CNBD2: variants seen among roughly 807,000 people sequenced by gnomAD.
The protein encoded by CNBD2 is cyclic nucleotide-binding domain-containing protein 2.
A neutral mutation model predicts 63.7 loss-of-function variants in CNBD2; 64 were observed. The observed-to-expected ratio is 1.00, with a 90% CI of 0.82 to 1.24. The LOEUF (loss-of-function observed/expected upper bound fraction) is 1.24. CNBD2 is among the 50% of genes most tolerant of loss of function. The probability of loss-of-function intolerance (pLI) is 0.00; values close to 1 mark genes in which losing one functional copy is unlikely to be tolerated. For synonymous variants in CNBD2, 229 were observed against 255.4 expected, an observed-to-expected ratio of 0.90 and a Z score of 0.99; for missense variants, 691 against 713.5, an observed-to-expected ratio of 0.97 and a Z score of 0.36.
chr20:35,983,169 G>A (rs571748576), intron 4 of CNBD2, among the ~76,000 whole-genome samples: 1 of 125,690 alleles, frequency 8.0e-6, no homozygotes, highest in Non-Finnish European at 1.7e-5. Flanking sequence ...GCAACATAGT[G>A]AGACCCTGTC....
At chr20:36,026,163 A>G (rs2057280742) in intron 11 of CNBD2, among the ~76,000 whole-genome samples, 1 of 152,044 alleles carries the variant, frequency 6.6e-6, no homozygotes, top group Admixed American at 6.6e-5. Context: ...CCTCCCCAGT[A>G]GCTGGGACAA....
chr20:35,993,720 C>T (rs2056780149), intron 7 of CNBD2, among the ~76,000 whole-genome samples: 1 of 151,920 alleles, frequency 6.6e-6, no homozygotes, highest in Non-Finnish European at 1.5e-5. Context: ...GTTTTTATCT[C>T]TATGTTTTTA....
At chr20:35,971,163 G>A (rs1163996808) in intron 1 of CNBD2, among the ~76,000 whole-genome samples, 1 of 150,932 alleles carries the variant, frequency 6.6e-6, no homozygotes, top group Non-Finnish European at 1.5e-5. Context: ...TAGCCGGGAT[G>A]GTCTCGATCT....
chr20:36,003,806 T>C (rs1394792169), intron 8 of CNBD2, among the ~76,000 whole-genome samples: 3 of 151,664 alleles, frequency 2.0e-5, no homozygotes, highest in Non-Finnish European at 4.4e-5. Flanking sequence ...CTTGGGAGGC[T>C]GAGGCAGGAG....
At chr20:36,010,496 C>T (rs1024268523) in intron 9 of CNBD2, among the ~76,000 whole-genome samples, 3 of 150,336 alleles carry the variant, frequency 2.0e-5, no homozygotes, top group Admixed American at 6.6e-5. Flanking sequence ...CTTGGCTGGG[C>T]GCAGTGGCTT....
At chr20:35,970,283 C>T (rs758172857) in intron 1 of CNBD2, among the ~76,000 whole-genome samples, 2 of 152,182 alleles carry the variant, frequency 1.3e-5, no homozygotes, top group African/African-American at 2.4e-5. Context: ...AATTTTGGAT[C>T]GTAATCCTTT....
chr20:35,994,744 C>A (rs1421106126), intron 7 of CNBD2, among the ~76,000 whole-genome samples: 2 of 151,902 alleles, frequency 1.3e-5, no homozygotes, highest in African/African-American at 4.8e-5. Context: ...CAAAAATTAG[C>A]CGGGCATGGT....
intron 2 of CNBD2, 65 bp from the exon 3 acceptor site, chr20:35,975,884 T>C (rs2056510097): frequency 6.9e-7 from 1 of 1,450,286 alleles, no homozygotes. Context: ...AGGAGGGCTC[T>C]AGATGCAAAG....
chr20:35,966,581 G>C (rs1241064400), upstream of CNBD2, among the ~76,000 whole-genome samples: 2 of 152,058 alleles, frequency 1.3e-5, no homozygotes, highest in Non-Finnish European at 2.9e-5. Flanking sequence ...CCAGAGATTT[G>C]AGTTCTAGTC....
At chr20:35,984,253 G>A (rs1334591059) in intron 5 of CNBD2, 115 bp downstream of exon 5, 1 of 1,083,040 alleles carries the variant, frequency 9.2e-7, no homozygotes, top group Admixed American at 2.8e-5. Flanking sequence ...ACAAGTCAGT[G>A]TCCCGTGTGG....
At chr20:36,019,342 T>C (rs559741927) in intron 10 of CNBD2, among the ~76,000 whole-genome samples, 2 of 151,464 alleles carry the variant, frequency 1.3e-5, no homozygotes, top group Admixed American at 6.6e-5. Context: ...CTGGGCAACA[T>C]GATGAAACCC....
At chr20:36,029,842 CCTT>C (rs1453736892) in intron 11 of CNBD2, among the ~76,000 whole-genome samples, 4 of 152,030 alleles carry the variant, frequency 2.6e-5, no homozygotes, top group African/African-American at 4.8e-5. Flanking sequence ...AGGCCTCAGT[CCTT>C]CTTCCACCTT....
At chr20:35,988,154 G>A (rs1474945485) in intron 7 of CNBD2, among the ~76,000 whole-genome samples, 1 of 151,838 alleles carries the variant, frequency 6.6e-6, no homozygotes, top group South Asian at 2.1e-4. Context: ...ACAGGCATGA[G>A]CCACCAGGCC....
At chr20:35,955,425 TTTACA>T (rs1201832545), downstream of CNBD2, 1 of 152,238 alleles carries the variant, frequency 6.6e-6, no homozygotes, top group Non-Finnish European at 1.5e-5. Context: ...GCATGTGCAG[TTTACA>T]TTATATTTCT....
At chr20:35,975,308 T>G (rs2056493091) in intron 2 of CNBD2, among the ~76,000 whole-genome samples, 1 of 122,148 alleles carries the variant, frequency 8.2e-6, no homozygotes, top group Non-Finnish European at 1.7e-5. Context: ...GCCTCTTTTT[T>G]TTTATTTTTT....
intron 11 of CNBD2, 150 bp from the exon 12 acceptor site, chr20:36,030,207 G>A (rs1049306990): frequency 4.9e-5 from 38 of 768,652 alleles, no homozygotes; most frequent in Non-Finnish European, 7.0e-5. Context: ...GAAGAAAACT[G>A]TGGAAAGGGA....
chr20:36,019,382 GT>G (rs2057176921), intron 10 of CNBD2, among the ~76,000 whole-genome samples: 1 of 151,938 alleles, frequency 6.6e-6, no homozygotes, highest in African/African-American at 2.4e-5. Context: ...AATTAGCCGG[GT>G]GTGGTGGTGC....
At chr20:35,971,987 TAA>T (rs1434177261) in intron 1 of CNBD2, among the ~76,000 whole-genome samples, 1 of 152,216 alleles carries the variant, frequency 6.6e-6, no homozygotes, top group Non-Finnish European at 1.5e-5. Flanking sequence ...AGGTGTTATA[TAA>T]GTTTTCTATG....
Position 36,004,056 on chromosome 20 carries a change from C to T in CNBD2, c.971-4241C>T, listed in dbSNP as rs144719153. The stretch of plus-strand genomic sequence containing the variant: ...ATGTTTCCCCAAGAATGAGAGAGAG[C>T]AACAGAGAACATGCCCAAGATGGAA... On this transcript the variant is annotated intron_variant, in intron 8 of 11. Coordinates refer to ENST00000373973, the MANE Select transcript of CNBD2 (RefSeq NM_001365709.1). 5.1e-3 allele frequency among the ~76,000 whole-genome samples: 775 copies of T among 152,172 alleles called. 9 individuals carry two copies. Among genetic ancestry groups the T allele is most frequent in the African/African-American group, 0.018 (750 of 41,516 alleles).
Sources: gnomAD v4.1 joint callset for allele counts (sites outside exome capture counted in the v4.1 genomes callset) on GRCh38, gnomAD v4.1.1 for gene constraint, MANE v1.5 for transcripts, NCBI Gene and HGNC (gene_info 2026-07-23, HGNC 2026-07-21) for gene names.